The following MYO3B variants were observed in gnomAD, a reference collection of about 807,000 sequenced individuals.
MYO3B encodes the protein myosin IIIB, also known as myosin-IIIb.
Under a neutral mutation model 174.6 loss-of-function variants are expected in MYO3B, and 156 were observed. That is an observed-to-expected ratio of 0.89 (90% CI 0.78 to 1.02). The LOEUF (loss-of-function observed/expected upper bound fraction) is 1.02, where lower values mean the gene tolerates loss of function less well. Among genes scored for constraint, MYO3B ranks in the 50% least tolerant of loss-of-function variants. MYO3B has a pLI of 0.00. For missense variants in MYO3B, 1,632 were observed against 1,639.4 expected, an observed-to-expected ratio of 1.00 and a Z score of 0.08; for synonymous variants, 563 against 569.1, an observed-to-expected ratio of 0.99 and a Z score of 0.15.
In MYO3B at chr2:170,386,245, T is replaced by G; in HGVS notation, c.1347T>G (p.Ile449Met). 1 of 1,613,670 alleles carries G rather than the reference T, an allele frequency of 6.2e-7. No individual in the cohort carries two copies. Among genetic ancestry groups the G allele is most frequent in the Non-Finnish European group, 8.5e-7 (1 of 1,179,660 alleles). ...GGAAGACAGAAAGCGCCCACCTGATTGTTCAGCATTTGACTTTCTTGGGAA... is the reference window on the plus strand; with the variant it reads ...GGAAGACAGAAAGCGCCCACCTGATGGTTCAGCATTTGACTTTCTTGGGAA... ...GSGKTESAHLIVQHLTFLGKA... is the reference protein window; with the variant it reads ...GSGKTESAHLMVQHLTFLGKA... Residue 449 changes from isoleucine to methionine, a missense_variant, in exon 13 of 35, where the codon ATT becomes ATG. Transcript: ENST00000408978.
chr2:170,243,328 A>G (rs968983626), intron 7 of MYO3B, among the ~76,000 whole-genome samples: 1 of 152,202 alleles, frequency 6.6e-6, no homozygotes, highest in Non-Finnish European at 1.5e-5. Context: ...GCTCTGGTCC[A>G]TGTTGTTTCT....
intron 8 of MYO3B, among the ~76,000 whole-genome samples, chr2:170,363,757 T>A (rs528874665): frequency 1.3e-5 from 2 of 152,330 alleles, no homozygotes; most frequent in South Asian, 4.1e-4. Flanking sequence ...CTGGTGGACT[T>A]TTCTATCATA....
At chr2:170,491,301 G>A (rs1290068811) in intron 25 of MYO3B, among the ~76,000 whole-genome samples, 1 of 151,966 alleles carries the variant, frequency 6.6e-6, no homozygotes, top group African/African-American at 2.4e-5. Flanking sequence ...CTGGCCTCTG[G>A]TAAATTTAGA....
chr2:170,242,133 C>T (rs1559328843), intron 7 of MYO3B, among the ~76,000 whole-genome samples: 2 of 152,112 alleles, frequency 1.3e-5, no homozygotes, highest in Non-Finnish European at 2.9e-5. Flanking sequence ...TTCTCTTCAC[C>T]AACCCAGGTC....
At chr2:170,317,084 A>C (rs1436803879) in intron 7 of MYO3B, among the ~76,000 whole-genome samples, 3 of 152,228 alleles carry the variant, frequency 2.0e-5, no homozygotes, top group Non-Finnish European at 4.4e-5. Context: ...GATCAAATTA[A>C]GAAAAACTAC....
At chr2:170,237,416 T>G (rs2093082874) in intron 7 of MYO3B, among the ~76,000 whole-genome samples, 1 of 152,178 alleles carries the variant, frequency 6.6e-6, no homozygotes, top group African/African-American at 2.4e-5. Flanking sequence ...ATATGTACTT[T>G]TGATAAGAGA....
At chr2:170,425,858 T>C (rs2094656481) in intron 22 of MYO3B, among the ~76,000 whole-genome samples, 1 of 152,226 alleles carries the variant, frequency 6.6e-6, no homozygotes, top group Non-Finnish European at 1.5e-5. Context: ...GAGTCTTGAA[T>C]ACTCGGCCTC....
chr2:170,581,178 C>T (rs959056919), intron 32 of MYO3B, among the ~76,000 whole-genome samples: 2 of 152,186 alleles, frequency 1.3e-5, no homozygotes, highest in Non-Finnish European at 2.9e-5. Flanking sequence ...TTCTCACCAA[C>T]TCTTTGAATT....
At chr2:170,345,924 C>T (rs1303005212) in intron 8 of MYO3B, among the ~76,000 whole-genome samples, 1 of 151,862 alleles carries the variant, frequency 6.6e-6, no homozygotes, top group Non-Finnish European at 1.5e-5. Flanking sequence ...ACAGATCCTT[C>T]CCTAGTACTT....
intron 24 of MYO3B, among the ~76,000 whole-genome samples, chr2:170,464,709 G>T (rs1180375046): frequency 6.6e-6 from 1 of 152,112 alleles, no homozygotes; most frequent in Non-Finnish European, 1.5e-5. Context: ...GTGGAAGGTG[G>T]GCCCCTGCCT....
intron 30 of MYO3B, among the ~76,000 whole-genome samples, chr2:170,526,706 T>G (rs1403311653): frequency 1.3e-5 from 2 of 152,218 alleles, no homozygotes; most frequent in African/African-American, 2.4e-5. Flanking sequence ...CACGTGTATT[T>G]TCAAAACCTT....
chr2:170,293,582 A>T (rs1295291340), intron 7 of MYO3B, among the ~76,000 whole-genome samples: 1 of 152,078 alleles, frequency 6.6e-6, no homozygotes, highest in South Asian at 2.1e-4. Flanking sequence ...GCTTCCTGCA[A>T]TTCCCCTTTT....
intron 7 of MYO3B, among the ~76,000 whole-genome samples, chr2:170,268,531 G>A (rs1375179261): frequency 6.6e-6 from 1 of 152,148 alleles, no homozygotes; most frequent in Non-Finnish European, 1.5e-5. Context: ...TTTCTAGATA[G>A]TCATTTATTC....
intron 23 of MYO3B, among the ~76,000 whole-genome samples, chr2:170,452,573 C>G (rs1199902917): frequency 6.6e-6 from 1 of 152,064 alleles, no homozygotes; most frequent in Non-Finnish European, 1.5e-5. Flanking sequence ...TTTAAAAAAA[C>G]TTTTAAAATC....
intron 22 of MYO3B, among the ~76,000 whole-genome samples, chr2:170,413,955 G>A (rs575373513): frequency 6.6e-6 from 1 of 152,004 alleles, no homozygotes; most frequent in East Asian, 2.0e-4. Flanking sequence ...CAGGAGAATC[G>A]CATGAACCTG....
chr2:170,597,719 A>G (rs1694244045), intron 32 of MYO3B, among the ~76,000 whole-genome samples: 1 of 152,238 alleles, frequency 6.6e-6, no homozygotes, highest in African/African-American at 2.4e-5. Context: ...ATTATCCTCA[A>G]GGCGAATGAA....
At chr2:170,454,069 C>T (rs1243349945) in intron 23 of MYO3B, among the ~76,000 whole-genome samples, 1 of 152,180 alleles carries the variant, frequency 6.6e-6, no homozygotes, top group Admixed American at 6.5e-5. Flanking sequence ...TCCACGCATA[C>T]AAACACACAC....
At chr2:170,652,414 A>AATTATGAAG (rs1216265021) in intron 34 of MYO3B, among the ~76,000 whole-genome samples, 63 of 152,262 alleles carry the variant, frequency 4.1e-4, no homozygotes, top group African/African-American at 1.4e-3. Flanking sequence ...CTTTCTTCAT[A>AATTATGAAG]ATTAGAGACA....
At chr2:170,216,466 G>C (rs1425536052) in intron 5 of MYO3B, among the ~76,000 whole-genome samples, 1 of 152,172 alleles carries the variant, frequency 6.6e-6, no homozygotes, top group Non-Finnish European at 1.5e-5. Context: ...CACATAATTA[G>C]TAAAAAGCAT....
Sources: gnomAD v4.1 joint callset for allele counts (sites outside exome capture counted in the v4.1 genomes callset) on GRCh38, gnomAD v4.1.1 for gene constraint, MANE v1.5 for transcripts, NCBI Gene and HGNC (gene_info 2026-07-23, HGNC 2026-07-21) for gene names.